The following TCF20 variants were observed in gnomAD, a reference collection of about 807,000 sequenced individuals.
TCF20 encodes the protein SPRE-binding protein.
Under a neutral mutation model 148.6 loss-of-function variants are expected in TCF20, and 3 were observed. That is an observed-to-expected ratio of 0.02 (90% CI 0.01 to 0.05). The LOEUF (loss-of-function observed/expected upper bound fraction) is 0.05. Ranked by LOEUF, TCF20 falls within the 10% of genes least tolerant of loss-of-function variation. The pLI is 1.00. For missense variants in TCF20, 2,350 were observed against 2,429.3 expected (o/e 0.97, Z 0.69); for synonymous variants, 1,049 against 909.5 (o/e 1.15, Z -2.76).
At chr22:42,226,073 T>C (rs1056230625) in intron 1 of TCF20, among the ~76,000 whole-genome samples, 3 of 152,176 alleles carry the variant, frequency 2.0e-5, no homozygotes, top group African/African-American at 7.2e-5. Context: ...CTGGGCCCTA[T>C]CCTGGCCCCA....
intron 1 of TCF20, among the ~76,000 whole-genome samples, chr22:42,321,986 A>C (rs1469665129): frequency 6.6e-6 from 1 of 151,456 alleles, no homozygotes; most frequent in Non-Finnish European, 1.5e-5. Context: ...AAGTAGGGAG[A>C]CTAACACCTA....
chr22:42,182,899 G>C (rs1224991495), intron 2 of TCF20, among the ~76,000 whole-genome samples: 2 of 152,086 alleles, frequency 1.3e-5, no homozygotes, highest in African/African-American at 2.4e-5. Context: ...ACCACACCTG[G>C]CAACTTTTTG....
At chr22:42,316,107 C>CA (rs758537263) in intron 1 of TCF20, among the ~76,000 whole-genome samples, 4,466 of 47,044 alleles carry the variant, frequency 0.095, 199 homozygotes, top group South Asian at 0.15. Context: ...GACTCTGTCT[C>CA]AAAAAAAAAA....
chr22:42,300,447 C>A (rs1927317734), intron 1 of TCF20, among the ~76,000 whole-genome samples: 2 of 152,056 alleles, frequency 1.3e-5, no homozygotes, highest in Non-Finnish European at 2.9e-5. Context: ...CTGACTGGGG[C>A]CCAGAACCTC....
intron 2 of TCF20, among the ~76,000 whole-genome samples, chr22:42,190,223 TTGAGGTGGGAGGA>T (rs1236943712): frequency 1.3e-5 from 2 of 151,492 alleles, no homozygotes; most frequent in Non-Finnish European, 2.9e-5. Context: ...CTTTGGGAGG[TTGAGGTGGGAGGA>T]CTGCCTGAGG....
intron 3 of TCF20, 58 bp from the exon 4 acceptor site, chr22:42,169,954 C>A (rs893085105): frequency 1.6e-5 from 26 of 1,576,468 alleles, no homozygotes; most frequent in Non-Finnish European, 2.3e-5. Context: ...TAGGTGTGGT[C>A]ATGCTGGCTG....
chr22:42,190,426 T>C (rs1937270074), intron 2 of TCF20, among the ~76,000 whole-genome samples: 1 of 151,844 alleles, frequency 6.6e-6, no homozygotes, highest in Admixed American at 6.6e-5. Flanking sequence ...CACCACTGCA[T>C]TCCAGCCTGG....
intron 1 of TCF20, among the ~76,000 whole-genome samples, chr22:42,298,301 G>A (rs1394928080): frequency 6.6e-6 from 1 of 152,256 alleles, no homozygotes; most frequent in Non-Finnish European, 1.5e-5. Flanking sequence ...CTCCTGGAGA[G>A]AGGGTAGGTG....
At chr22:42,329,639 G>A (rs376938934) in intron 1 of TCF20, among the ~76,000 whole-genome samples, 3 of 152,224 alleles carry the variant, frequency 2.0e-5, no homozygotes, top group East Asian at 3.8e-4. Context: ...ATGCTGGATC[G>A]CCACCCAGGA....
rs776542333 is a variant in TCF20, at chr22:42,211,200, G to A, written c.4106C>T (p.Ser1369Phe). ...ITSPNIRRSA[S>F]SNSAEAGGDT... ...TCCCCCAGCCTCCGCACTGTTCGAAGATGCGCTCCTCCTAATATTTGGGGA... is the reference window on the plus strand; with the variant it reads ...TCCCCCAGCCTCCGCACTGTTCGAAAATGCGCTCCTCCTAATATTTGGGGA... The change falls in exon 2 of 6, where the codon TCT (serine) becomes TTT (phenylalanine). Residue 1369 changes from serine (S) to phenylalanine (F), a missense_variant. Ser to Phe is a radical substitution (Grantham distance 155). Coordinates refer to ENST00000677622, the MANE Select transcript of TCF20 (RefSeq NM_001378418.1). The A allele has an allele frequency of 6.2e-6, 10 of 1,614,032 alleles. 1 individual carries two copies. In the Middle Eastern group the frequency reaches 9.9e-4, roughly 159 times the overall value.
rs753898928 is a variant in TCF20, at chr22:42,292,731, C to T, written c.-37+50748G>A. 2.0e-5 allele frequency among the ~76,000 whole-genome samples: 3 copies of T among 151,990 alleles called. No homozygotes were observed. The highest frequency in any genetic ancestry group is 2.9e-5 in the Non-Finnish European group (2 of 68,002). ...GGACCCCACGGCTAGGAAGACAAGG[C>T]TCGGATTGGATTCTCAGGCCTCTCT... On this transcript the variant is annotated intron_variant, in intron 1 of 1. Transcript: ENST00000515426. The surrounding 1 kb of genome is among the most constrained non-coding windows in gnomAD (Gnocchi z 4.9).
intron 2 of TCF20, among the ~76,000 whole-genome samples, chr22:42,197,247 A>C (rs535433730): frequency 1.3e-5 from 2 of 152,086 alleles, no homozygotes; most frequent in South Asian, 4.2e-4. Context: ...TCCACCAAGG[A>C]GGCTACTTGA....
intron 1 of TCF20, among the ~76,000 whole-genome samples, chr22:42,220,019 T>C (rs146997451): frequency 1.3e-5 from 2 of 152,328 alleles, no homozygotes; most frequent in Non-Finnish European, 2.9e-5. Context: ...CCAGAGTCCA[T>C]GTGCCGACCT....
chr22:42,285,143 C>T (rs971397227), upstream of TCF20, among the ~76,000 whole-genome samples: 4 of 152,218 alleles, frequency 2.6e-5, no homozygotes, highest in South Asian at 2.1e-4. The surrounding 1 kb of genome is among the most constrained non-coding windows in gnomAD (Gnocchi z 4.2). Context: ...GCCTACTCCA[C>T]GGCAGGGCCC....
rs550829864 is a variant in TCF20 at position 42,292,604 on chromosome 22, G to T, written c.-37+50875C>A. On this transcript the variant is annotated intron_variant, in intron 1 of 1. Transcript: ENST00000515426. This position sits in a 1 kb window ranked among gnomAD's most constrained non-coding sequence, Gnocchi z 4.9. Reference sequence around the variant, plus strand: ...GAAGAGTGGGCAGCACGGTGGCCTGGATAAATCCCAGAAGGCATCCCAGAA... The same window carrying T: ...GAAGAGTGGGCAGCACGGTGGCCTGTATAAATCCCAGAAGGCATCCCAGAA... Among the ~76,000 whole-genome samples, 40 of 152,216 alleles carry T rather than the reference G, an allele frequency of 2.6e-4. No homozygotes were observed. The South Asian group carries it at 8.1e-3, about 31-fold the overall frequency.
intron 1 of TCF20, among the ~76,000 whole-genome samples, chr22:42,277,596 G>A (rs186567299): frequency 6.6e-6 from 1 of 151,000 alleles, no homozygotes; most frequent in East Asian, 1.9e-4. Context: ...GAAGGGCACA[G>A]GGGCCTGCAG....
At chr22:42,336,134 C>T (rs528146998) in intron 1 of TCF20, among the ~76,000 whole-genome samples, 26 of 152,320 alleles carry the variant, frequency 1.7e-4, no homozygotes, top group Admixed American at 1.1e-3. Context: ...GAGGATGGCA[C>T]GGCTGCAGGC....
At chr22:42,233,014 T>A (rs1923571329) in intron 1 of TCF20, among the ~76,000 whole-genome samples, 1 of 152,072 alleles carries the variant, frequency 6.6e-6, no homozygotes, top group African/African-American at 2.4e-5. Flanking sequence ...TCTGCCTCCC[T>A]GGTTCAAGCA....
Position 42,214,400 on chromosome 22 carries a change from C to T in TCF20, c.906G>A (p.Gln302=). 6.2e-7 allele frequency: 1 copy of T among 1,614,000 alleles called. No individual in the cohort carries two copies. Among genetic ancestry groups the T allele is most frequent in the Non-Finnish European group, 8.5e-7 (1 of 1,179,996 alleles). The change falls in exon 2 of 6, where the codon CAG becomes CAA. Residue 302 remains glutamine (Q), a synonymous_variant. Transcript: ENST00000677622. ...YQPQSMKNFE[Q]AKIPQGTQQG... ...GTTGGGTCCCTTGTGGAATCTTTGCCTGTTCAAAATTCTTCATAGATTGAG... is the reference window on the plus strand; with the variant it reads ...GTTGGGTCCCTTGTGGAATCTTTGCTTGTTCAAAATTCTTCATAGATTGAG...
Sources: gnomAD v4.1 joint callset for allele counts (sites outside exome capture counted in the v4.1 genomes callset) on GRCh38, gnomAD v4.1.1 for gene constraint, Gnocchi (gnomAD v3.1) non-coding constraint, MANE v1.5 for transcripts, NCBI Gene and HGNC (gene_info 2026-07-23, HGNC 2026-07-21) for gene names.